VAPB: variants seen among roughly 807,000 people sequenced by gnomAD.
VAPB encodes vesicle-associated membrane protein-associated protein B/C.
In VAPB, 7 loss-of-function variants were observed where a neutral mutation model predicts 25.6. The observed-to-expected ratio is 0.27, with a 90% CI of 0.16 to 0.51. The LOEUF (loss-of-function observed/expected upper bound fraction) is 0.51. VAPB is among the 20% of genes least tolerant of loss of function. VAPB has a pLI of 0.97. For synonymous variants in VAPB, 112 were observed against 109.2 expected (o/e 1.03, Z -0.16); for missense variants, 266 against 301.3 (o/e 0.88, Z 0.87).
intron 3 of VAPB, among the ~76,000 whole-genome samples, chr20:58,438,210 A>G (rs1190446045): frequency 6.6e-6 from 1 of 152,188 alleles, no homozygotes; most frequent in African/African-American, 2.4e-5. Flanking sequence ...TTCTGAAACT[A>G]GTCCCAGATA....
At chr20:58,418,685 A>G (rs1467588935) in intron 2 of VAPB, among the ~76,000 whole-genome samples, 1 of 152,196 alleles carries the variant, frequency 6.6e-6, no homozygotes, top group Non-Finnish European at 1.5e-5. Flanking sequence ...TTGAAATTAA[A>G]TCTGCCCTTT....
intron 1 of VAPB, among the ~76,000 whole-genome samples, chr20:58,404,510 A>T (rs529172529): frequency 1.3e-5 from 2 of 152,184 alleles, no homozygotes; most frequent in Non-Finnish European, 2.9e-5. Context: ...ATTACCTTTC[A>T]TACAGTGTTC....
intron 2 of VAPB, among the ~76,000 whole-genome samples, chr20:58,422,605 A>AT (rs768230345): frequency 0.052 from 7,172 of 138,562 alleles, 237 homozygotes; most frequent in Non-Finnish European, 0.077. Context: ...GTGGTTGTGG[A>AT]TTTTTTTTTT....
At position 58,447,252 on chromosome 20, in the gene VAPB, G is replaced by T; in HGVS notation, c.*3017G>T. 1 of 454,098 alleles carries T rather than the reference G, an allele frequency of 2.2e-6. No homozygotes were observed. The highest frequency in any genetic ancestry group is 4.4e-6 in the Non-Finnish European group (1 of 226,774). The allele number at this position is 454,098 out of a possible 1,614,324, so 28.1% of individuals were successfully genotyped here. A position where few individuals can be genotyped will look rare whatever the true frequency, so the allele number is the denominator to read the frequency against. ...TTGGTAACTTAAGCTTCCTTGGCAC[G>T]ATACAAAATACCTCTTAAAGACAGC... is the stretch of plus-strand genomic sequence containing the variant. On this transcript the variant is annotated 3_prime_UTR_variant, in exon 6 of 6. Transcript: ENST00000475243.
chr20:58,410,759 C>G (rs1463734709), intron 1 of VAPB, among the ~76,000 whole-genome samples: 1 of 152,168 alleles, frequency 6.6e-6, no homozygotes, highest in East Asian at 1.9e-4. Flanking sequence ...GTAGTTTTGC[C>G]TTTTCCAGAA....
At position 58,444,091 on chromosome 20, in the gene VAPB, G is replaced by A; in HGVS notation, c.588G>A (p.Leu196=). Residue 196 remains leucine, a synonymous_variant, in exon 6 of 6, where the codon CTG becomes CTA. Coordinates refer to ENST00000475243, the MANE Select transcript of VAPB (RefSeq NM_004738.5). ...TGCTCCCGTAGGAAGAAGATGGACTGCGGATGAGGAAGACAGTGCAGAGCA... is the reference window on the plus strand; with the variant it reads ...TGCTCCCGTAGGAAGAAGATGGACTACGGATGAGGAAGACAGTGCAGAGCA... ...ENKQFKEEDG[L]RMRKTVQSNS... 6.2e-7 allele frequency: 1 copy of A among 1,614,236 alleles called. No homozygotes were observed. Among genetic ancestry groups the A allele is most frequent in the Non-Finnish European group, 8.5e-7 (1 of 1,180,044 alleles).
chr20:58,393,597 A>G (rs1987865887), intron 1 of VAPB, among the ~76,000 whole-genome samples: 1 of 152,056 alleles, frequency 6.6e-6, no homozygotes. Context: ...AGTATGTCAT[A>G]TATTTTTTGG....
chr20:58,429,646 G>T (rs1988883600), intron 2 of VAPB, among the ~76,000 whole-genome samples: 1 of 152,226 alleles, frequency 6.6e-6, no homozygotes, highest in South Asian at 2.1e-4. Flanking sequence ...TTCCGTAAGG[G>T]ATGTGTGTGC....
intron 1 of VAPB, 81 bp from the exon 2 acceptor site, chr20:58,418,130 C>A: frequency 1.3e-6 from 2 of 1,580,528 alleles, no homozygotes; most frequent in Non-Finnish European, 1.7e-6. Flanking sequence ...CTTCCCTTAA[C>A]TATATTTACA....
At position 58,447,704 on chromosome 20, in the gene VAPB, CAGT is replaced by C. The variant is rs1279027135; in HGVS notation, c.*3472_*3474del. On this transcript the variant is annotated 3_prime_UTR_variant, in exon 6 of 6. Transcript: ENST00000475243. Reference sequence around the variant, plus strand: ...CATGTGTGGCATATGTGCCGTATGTCAGTAGCTTGACAGTTTTCAAATCGTGCC... The same window carrying C: ...CATGTGTGGCATATGTGCCGTATGTCAGCTTGACAGTTTTCAAATCGTGCC... 8.8e-6 allele frequency: 4 copies of C among 453,754 alleles called. No individual in the cohort carries two copies. Among genetic ancestry groups the C allele is most frequent in the South Asian group, 6.2e-5 (4 of 64,470 alleles). 28.1% of individuals were successfully genotyped at this position (453,754 alleles called of 1,614,324 possible).
intron 2 of VAPB, among the ~76,000 whole-genome samples, chr20:58,432,717 G>GAA (rs1037847068): frequency 7.9e-5 from 12 of 152,144 alleles, no homozygotes; most frequent in South Asian, 6.2e-4. Flanking sequence ...TTAGGGGCAG[G>GAA]AAAAAAACAC....
rs571213333 is a variant in VAPB at position 58,448,969 on chromosome 20, G to A, written c.*4734G>A. 4.0e-5 allele frequency: 18 copies of A among 454,110 alleles called. No homozygotes were observed. The East Asian group carries it at 1.3e-3, about 32-fold the overall frequency. The allele number at this position is 454,110 out of a possible 1,614,324, so 28.1% of individuals were successfully genotyped here. A position where few individuals can be genotyped will look rare whatever the true frequency, so the allele number is the denominator to read the frequency against. The stretch of plus-strand genomic sequence containing the variant: ...TGAATGAGGGCAGTTGATTAAAATT[G>A]GTATTACAGAAGGGCCCTGCTGAGG... On this transcript the variant is annotated 3_prime_UTR_variant, in exon 6 of 6. Coordinates refer to ENST00000475243, the MANE Select transcript of VAPB (RefSeq NM_004738.5).
chr20:58,415,774 G>T (rs1229545234), intron 1 of VAPB, among the ~76,000 whole-genome samples: 1 of 152,192 alleles, frequency 6.6e-6, no homozygotes, highest in East Asian at 1.9e-4. Context: ...AAAGTGACTA[G>T]TAAAAGTCTG....
At chr20:58,423,211 A>C (rs2123066814) in intron 2 of VAPB, among the ~76,000 whole-genome samples, 1 of 152,152 alleles carries the variant, frequency 6.6e-6, no homozygotes, top group South Asian at 2.1e-4. Context: ...TGGGAATTCG[A>C]GACCATCCTG....
At chr20:58,416,756 G>C (rs988905501) in intron 1 of VAPB, among the ~76,000 whole-genome samples, 1 of 140,858 alleles carries the variant, frequency 7.1e-6, no homozygotes, top group South Asian at 2.3e-4. Context: ...GCCCATATCA[G>C]ATTGATTTTT....
At chr20:58,399,802 ATTTG>A (rs1279387839) in intron 1 of VAPB, among the ~76,000 whole-genome samples, 8 of 151,602 alleles carry the variant, frequency 5.3e-5, no homozygotes, top group Non-Finnish European at 1.2e-4. Context: ...ATTGTGAGCT[ATTTG>A]TTTATTAGTG....
chr20:58,389,548 C>A (rs370844806), intron 1 of VAPB, 31 bp downstream of exon 1: 1 of 1,553,470 alleles, frequency 6.4e-7, no homozygotes, highest in South Asian at 1.2e-5. Flanking sequence ...CCTTCCTGCC[C>A]GCGGCCTCCG....
At chr20:58,415,540 A>G (rs1432737737) in intron 1 of VAPB, among the ~76,000 whole-genome samples, 2 of 152,232 alleles carry the variant, frequency 1.3e-5, no homozygotes, top group Non-Finnish European at 2.9e-5. Context: ...TAAGGAATAG[A>G]AGATTAAAAA....
intron 1 of VAPB, among the ~76,000 whole-genome samples, chr20:58,405,163 G>T (rs1318423226): frequency 6.6e-6 from 1 of 152,134 alleles, no homozygotes; most frequent in East Asian, 1.9e-4. Flanking sequence ...ATTAGGGAAG[G>T]TCATTTACCT....
Sources: gnomAD v4.1 joint callset for allele counts (sites outside exome capture counted in the v4.1 genomes callset) on GRCh38, gnomAD v4.1.1 for gene constraint, MANE v1.5 for transcripts, NCBI Gene and HGNC (gene_info 2026-07-23, HGNC 2026-07-21) for gene names.